The following MGME1 variants were observed in gnomAD, a reference collection of about 807,000 sequenced individuals.
The protein encoded by MGME1 is chromosome 20 open reading frame 72.
MGME1 carries 22 observed loss-of-function variants against 33.0 expected under a neutral mutation model. The observed-to-expected ratio is 0.67, with a 90% CI of 0.48 to 0.95. The LOEUF (loss-of-function observed/expected upper bound fraction) is 0.95, where lower values mean the gene tolerates loss of function less well. MGME1 is among the 40% of genes least tolerant of loss of function. MGME1 has a pLI of 0.00. For missense variants in MGME1, 383 were observed against 397.8 expected (o/e 0.96, Z 0.32); for synonymous variants, 133 against 144.0 (o/e 0.92, Z 0.55).
chr20:17,972,217 TAAG>T (rs1031021835), intron 2 of MGME1, among the ~76,000 whole-genome samples: 13 of 152,226 alleles, frequency 8.5e-5, no homozygotes, highest in Admixed American at 4.6e-4. Flanking sequence ...TTTTAAAAAT[TAAG>T]AAGATTTTTT....
chr20:17,970,403 CTA>C (rs2035695795), intron 2 of MGME1, 33 bp downstream of exon 2: 1 of 1,560,958 alleles, frequency 6.4e-7, no homozygotes, highest in Non-Finnish European at 8.6e-7. Flanking sequence ...TATATGTTTG[CTA>C]TGTTTTCTAT....
intron 3 of MGME1, among the ~76,000 whole-genome samples, chr20:17,977,945 G>C (rs1156295197): frequency 6.6e-6 from 1 of 152,182 alleles, no homozygotes; most frequent in Non-Finnish European, 1.5e-5. Flanking sequence ...CTAAGAACAA[G>C]ATAGAAAAAT....
Position 17,990,455 on chromosome 20 carries a change from G to T in MGME1, c.*346G>T. ...CCCAGGCAGGATGCCCAGTCTTTGA[G>T]CTGAGATTGGAAGGCAGTGAGGCTG... On this transcript the variant is annotated 3_prime_UTR_variant, in exon 5 of 5. Transcript: ENST00000377710. 1 of 376,904 alleles carries T rather than the reference G, an allele frequency of 2.7e-6. No individual in the cohort carries two copies. The highest frequency in any genetic ancestry group is 5.1e-5 in the East Asian group (1 of 19,432). 23.3% of individuals were successfully genotyped at this position (376,904 alleles called of 1,614,324 possible). A position where few individuals can be genotyped will look rare whatever the true frequency, so the allele number is the denominator to read the frequency against.
chr20:17,989,910 A>G (rs1219302306), intron 4 of MGME1, 29 bp from the exon 5 acceptor site: 1 of 1,606,822 alleles, frequency 6.2e-7, no homozygotes, highest in Non-Finnish European at 8.5e-7. Flanking sequence ...ACTGTAGTGA[A>G]ACGAGAATTG....
chr20:17,989,705 CTT>C (rs34413983), intron 4 of MGME1, among the ~76,000 whole-genome samples: 1 of 143,170 alleles, frequency 7.0e-6, no homozygotes. Flanking sequence ...CTTCTTGGGC[CTT>C]TTTTTTTTTT....
chr20:17,987,134 T>G (rs1454464641), intron 3 of MGME1, among the ~76,000 whole-genome samples: 2 of 147,170 alleles, frequency 1.4e-5, no homozygotes, highest in Non-Finnish European at 3.0e-5. Context: ...AAGCCGAGAT[T>G]ACACCACTGC....
chr20:17,989,724 C>T (rs1340244533), intron 4 of MGME1, among the ~76,000 whole-genome samples: 1 of 147,690 alleles, frequency 6.8e-6, no homozygotes, highest in Non-Finnish European at 1.5e-5. Flanking sequence ...TTTTCAATGG[C>T]TCTGTAAGGA....
chr20:17,989,833 T>C (rs1447150362), intron 4 of MGME1, 106 bp from the exon 5 acceptor site: 2 of 981,496 alleles, frequency 2.0e-6, no homozygotes, highest in Non-Finnish European at 1.5e-6. Context: ...TTAGGAGATA[T>C]CCTGTAGATT....
At chr20:17,975,534 C>G (rs1194583270) in intron 2 of MGME1, 150 bp from the exon 3 acceptor site, 5 of 612,978 alleles carry the variant, frequency 8.2e-6, no homozygotes, top group African/African-American at 7.8e-5. Context: ...CCAGCCTGGG[C>G]GACAGAGGGA....
At chr20:17,989,268 C>T (rs2122633550) in intron 4 of MGME1, among the ~76,000 whole-genome samples, 1 of 150,120 alleles carries the variant, frequency 6.7e-6, no homozygotes, top group Non-Finnish European at 1.5e-5. Context: ...TGCCTCTAGT[C>T]CCACCTACTT....
chr20:17,982,537 A>G (rs2036050585), intron 3 of MGME1, among the ~76,000 whole-genome samples: 2 of 152,232 alleles, frequency 1.3e-5, no homozygotes, highest in South Asian at 2.1e-4. Flanking sequence ...TGTACTCAGG[A>G]TATCAAGCCA....
intron 3 of MGME1, 31 bp downstream of exon 3, chr20:17,975,934 A>G: frequency 1.3e-6 from 2 of 1,522,972 alleles, no homozygotes; most frequent in Non-Finnish European, 1.8e-6. Context: ...GAATTAATAC[A>G]GCGTAGGACA....
At chr20:17,976,446 A>G (rs2035869026) in intron 3 of MGME1, among the ~76,000 whole-genome samples, 1 of 152,002 alleles carries the variant, frequency 6.6e-6, no homozygotes, top group Non-Finnish European at 1.5e-5. Flanking sequence ...TCTCCCTAAC[A>G]TGGCCTGTTT....
Position 17,990,910 on chromosome 20 carries a change from T to G in MGME1, c.*801T>G, listed in dbSNP as rs7010. The G allele has an allele frequency of 0.25, 38,073 of 152,038 alleles. 5,476 individuals are homozygous for G. The highest frequency in any genetic ancestry group is 0.43 in the East Asian group (2,238 of 5,158). 9.4% of individuals were successfully genotyped at this position (152,038 alleles called of 1,614,324 possible). ...AGGGGAGGGGAACTATTAAAATCCATTTGTTTCTATTCAATAGGTAATAAA... is the reference window on the plus strand; with the variant it reads ...AGGGGAGGGGAACTATTAAAATCCAGTTGTTTCTATTCAATAGGTAATAAA... On this transcript the variant is annotated 3_prime_UTR_variant, in exon 5 of 5. Transcript: ENST00000377710.
intron 3 of MGME1, among the ~76,000 whole-genome samples, chr20:17,980,808 CAAAA>C (rs11087236): frequency 7.6e-6 from 1 of 130,894 alleles, no homozygotes; most frequent in Non-Finnish European, 1.6e-5. Flanking sequence ...GACTCCATCT[CAAAA>C]AAAAAAAAAA....
At chr20:17,971,125 T>G (rs920128633) in intron 2 of MGME1, among the ~76,000 whole-genome samples, 22 of 152,244 alleles carry the variant, frequency 1.4e-4, no homozygotes, top group African/African-American at 5.1e-4. Context: ...TCATTTTTGT[T>G]TTAAGAATAG....
chr20:17,985,036 CAAA>C lies in MGME1; in HGVS notation c.732-3111_732-3109del, dbSNP rs535060718. On this transcript the variant is annotated intron_variant, in intron 3 of 4. Coordinates refer to ENST00000377710, the MANE Select transcript of MGME1 (RefSeq NM_052865.4). ...TGGGTGACAGAGCAAGACTTTGTCT[CAAA>C]AAAAAAAAAAAAAAAAAAGAAAAGG... Among the ~76,000 whole-genome samples the C allele has an allele frequency of 2.3e-3, 242 of 103,152 alleles. 3 individuals carry two copies. Among genetic ancestry groups the C allele is most frequent in the African/African-American group, 5.6e-3 (143 of 25,392 alleles). The allele number at this position is 103,152 out of a possible 152,430, so 67.7% of individuals were successfully genotyped here.
At chr20:17,973,211 G>A (rs1178654622) in intron 2 of MGME1, among the ~76,000 whole-genome samples, 1 of 152,144 alleles carries the variant, frequency 6.6e-6, no homozygotes, top group Non-Finnish European at 1.5e-5. Flanking sequence ...GCCGGGCGCA[G>A]CGATCACTTG....
At chr20:17,980,409 T>A (rs2035981472) in intron 3 of MGME1, among the ~76,000 whole-genome samples, 1 of 152,148 alleles carries the variant, frequency 6.6e-6, no homozygotes, top group Non-Finnish European at 1.5e-5. Flanking sequence ...AAAAAGCTCC[T>A]GTGTTCCTGA....
Sources: gnomAD v4.1 joint callset for allele counts (sites outside exome capture counted in the v4.1 genomes callset) on GRCh38, gnomAD v4.1.1 for gene constraint, MANE v1.5 for transcripts, NCBI Gene and HGNC (gene_info 2026-07-23, HGNC 2026-07-21) for gene names.